Variants in ZNF428 observed in about 807,000 individuals in gnomAD.
ZNF428 encodes zinc finger protein 428, also known as enzyme-like protein PIT13.
In ZNF428, 5 loss-of-function variants were observed where a neutral mutation model predicts 15.6. The ratio of observed to expected loss-of-function variants is 0.32; its 90% CI spans 0.17 to 0.67. The LOEUF (loss-of-function observed/expected upper bound fraction) is 0.67. Ranked by LOEUF, ZNF428 falls within the 30% of genes least tolerant of loss-of-function variation. The pLI is 0.73. For missense variants in ZNF428, 237 were observed against 256.0 expected, an observed-to-expected ratio of 0.93 and a Z score of 0.51; for synonymous variants, 97 against 102.2, an observed-to-expected ratio of 0.95 and a Z score of 0.31.
intron 1 of ZNF428, among the ~76,000 whole-genome samples, chr19:43,618,526 G>C (rs1184701283): frequency 6.6e-6 from 1 of 151,136 alleles, no homozygotes; most frequent in Non-Finnish European, 1.5e-5. Flanking sequence ...AGAGCAGCTG[G>C]GACTACAGGT....
In ZNF428 at chr19:43,607,582, C is replaced by A. The variant is rs1300076940; in HGVS notation, c.*35G>T. The A allele has an allele frequency of 1.3e-6, 2 of 1,539,916 alleles. No homozygotes were observed. Among genetic ancestry groups the A allele is most frequent in the Non-Finnish European group, 1.8e-6 (2 of 1,140,568 alleles). Reference sequence around the variant, plus strand: ...TCCTCAGCCCCCTCCTCCCACCCCACCCCTTCTGCCAAGCTCCCCGTATGG... The same window carrying A: ...TCCTCAGCCCCCTCCTCCCACCCCAACCCTTCTGCCAAGCTCCCCGTATGG... On this transcript the variant is annotated 3_prime_UTR_variant, in exon 3 of 3. Coordinates refer to ENST00000300811, the MANE Select transcript of ZNF428 (RefSeq NM_182498.4). This position sits in a 1 kb window ranked among gnomAD's most constrained non-coding sequence, Gnocchi z 5.1.
intron 1 of ZNF428, among the ~76,000 whole-genome samples, chr19:43,616,318 G>C (rs1973371201): frequency 6.6e-6 from 1 of 152,152 alleles, no homozygotes; most frequent in South Asian, 2.1e-4. Context: ...ATCAGCCTTA[G>C]TTCTGTATCA....
Position 43,612,813 on chromosome 19 carries a change from G to A in ZNF428, c.76+1416C>T, listed in dbSNP as rs1182219316. On this transcript the variant is annotated intron_variant, in intron 2 of 2. Coordinates refer to ENST00000300811, the MANE Select transcript of ZNF428 (RefSeq NM_182498.4). The surrounding 1 kb of genome is among the most constrained non-coding windows in gnomAD (Gnocchi z 4.2). ...ACTGGAATTCCCTCCAAGGAGAAGAGTGACAACCCATCTCCATCCTCATCA... is the reference window on the plus strand; with the variant it reads ...ACTGGAATTCCCTCCAAGGAGAAGAATGACAACCCATCTCCATCCTCATCA... 1 of 1,551,560 alleles carries A rather than the reference G, an allele frequency of 6.4e-7. No homozygotes were observed. The highest frequency in any genetic ancestry group is 1.2e-5 in the South Asian group (1 of 84,056).
chr19:43,611,731 T>C (rs1973299391), intron 2 of ZNF428, among the ~76,000 whole-genome samples: 1 of 152,210 alleles, frequency 6.6e-6, no homozygotes, highest in South Asian at 2.1e-4. Context: ...GTCTCTCTCG[T>C]ATGGGCTCCC....
chr19:43,610,603 C>T (rs539181315), intron 2 of ZNF428, among the ~76,000 whole-genome samples: 73 of 151,906 alleles, frequency 4.8e-4, no homozygotes, highest in Non-Finnish European at 1.0e-3. Context: ...CTGCTGTGGC[C>T]CCAGCATCTA....
At position 43,607,415 on chromosome 19, in the gene ZNF428, A is replaced by C; in HGVS notation, c.*202T>G. On this transcript the variant is annotated 3_prime_UTR_variant, in exon 3 of 3. Transcript: ENST00000300811. The surrounding 1 kb of genome is among the most constrained non-coding windows in gnomAD (Gnocchi z 5.1). ...CACACAAACACACACACGGGCGGGA[A>C]TACACACACACACACACACACTCTG... 4.7e-5 allele frequency: 25 copies of C among 526,670 alleles called. No individual in the cohort carries two copies. The highest frequency in any genetic ancestry group is 2.8e-4 in the Middle Eastern group (1 of 3,566). 32.6% of individuals were successfully genotyped at this position (526,670 alleles called of 1,614,324 possible).
intron 1 of ZNF428, among the ~76,000 whole-genome samples, chr19:43,617,694 ATT>A (rs939704493): frequency 6.6e-5 from 10 of 152,256 alleles, no homozygotes; most frequent in African/African-American, 2.4e-4. Context: ...CATCCAATTA[ATT>A]TTTTTGTTTG....
Position 43,614,434 on chromosome 19 carries a change from G to T in ZNF428, c.-130C>A. The T allele has an allele frequency of 1.4e-6, 2 of 1,451,072 alleles. No individual in the cohort carries two copies. The highest frequency in any genetic ancestry group is 2.8e-5 in the Admixed American group (1 of 35,252). The allele number at this position is 1,451,072 out of a possible 1,614,324, so 89.9% of individuals were successfully genotyped here. ...AGGATGTTGGCAGGTAGAGAGGGATGCTGGATAGGGGGAAAGGAAAGACCT... is the reference window on the plus strand; with the variant it reads ...AGGATGTTGGCAGGTAGAGAGGGATTCTGGATAGGGGGAAAGGAAAGACCT... On this transcript the variant is annotated splice_region_variant and 5_prime_UTR_variant, in exon 2 of 3. Coordinates refer to ENST00000300811, the MANE Select transcript of ZNF428 (RefSeq NM_182498.4).
intron 2 of ZNF428, among the ~76,000 whole-genome samples, chr19:43,610,775 G>A (rs1973286922): frequency 6.6e-6 from 1 of 152,122 alleles, no homozygotes; most frequent in African/African-American, 2.4e-5. Context: ...AGGACCCAGT[G>A]GGAGGCCTTC....
chr19:43,611,556 G>C (rs924291025), intron 2 of ZNF428, among the ~76,000 whole-genome samples: 1 of 152,124 alleles, frequency 6.6e-6, no homozygotes, highest in Non-Finnish European at 1.5e-5. Context: ...CTGACCTCAG[G>C]TGATCTGCCT....
At chr19:43,608,976 T>A (rs1340946584) in intron 2 of ZNF428, among the ~76,000 whole-genome samples, 1 of 150,718 alleles carries the variant, frequency 6.6e-6, no homozygotes, top group Non-Finnish European at 1.5e-5. Context: ...ATTCTTTCGA[T>A]TGATTGCAAA....
chr19:43,609,798 A>G (rs774875535), intron 2 of ZNF428, among the ~76,000 whole-genome samples: 1 of 151,968 alleles, frequency 6.6e-6, no homozygotes, highest in African/African-American at 2.4e-5. Context: ...AAAGGGCGAC[A>G]TCAGCTGCCA....
At position 43,617,748 on chromosome 19, in the gene ZNF428, C is replaced by A. The variant is rs924118448; in HGVS notation, c.-131+1810G>T. On this transcript the variant is annotated intron_variant, in intron 1 of 2. Transcript: ENST00000300811. ...GCGGAGATGGTGTCTCACTATGTTG[C>A]GAAGGCTGCTGTCAAATTCCTGGCT... 2.0e-5 allele frequency among the ~76,000 whole-genome samples: 3 copies of A among 152,210 alleles called. No homozygotes were observed. In the South Asian group the frequency reaches 6.2e-4, roughly 31 times the overall value.
At chr19:43,610,441 C>T (rs1446358419) in intron 2 of ZNF428, among the ~76,000 whole-genome samples, 1 of 151,940 alleles carries the variant, frequency 6.6e-6, no homozygotes, top group East Asian at 1.9e-4. Flanking sequence ...CTCAAGTGAT[C>T]CACTCATCTC....
chr19:43,619,301 T>C (rs745956358), intron 1 of ZNF428, among the ~76,000 whole-genome samples: 4 of 151,934 alleles, frequency 2.6e-5, no homozygotes, highest in South Asian at 2.1e-4. Context: ...GACAAGGATC[T>C]GGGACACTCT....
chr19:43,613,711 G>A, intron 2 of ZNF428: 4 of 1,551,362 alleles, frequency 2.6e-6, no homozygotes, highest in Non-Finnish European at 3.5e-6. Context: ...CCAGCAAGGA[G>A]AGACAGCGCA....
At chr19:43,614,803 G>T (rs1398313879) in intron 1 of ZNF428, among the ~76,000 whole-genome samples, 1 of 152,146 alleles carries the variant, frequency 6.6e-6, no homozygotes, top group Non-Finnish European at 1.5e-5. Flanking sequence ...TCACCATGTT[G>T]GCCAGGCTGG....
rs758465774 is a variant in ZNF428 at position 43,614,213 on chromosome 19, T to G, written c.76+16A>C. The G allele has an allele frequency of 6.2e-7, 1 of 1,614,138 alleles. No individual in the cohort carries two copies. Among genetic ancestry groups the G allele is most frequent in the Non-Finnish European group, 8.5e-7 (1 of 1,180,014 alleles). ...TGACAGTCAAGCCGACGCCACCACCTCTAAGGCCACCTTACCTGGGGAAAG... is the reference window on the plus strand; with the variant it reads ...TGACAGTCAAGCCGACGCCACCACCGCTAAGGCCACCTTACCTGGGGAAAG... On this transcript the variant is annotated intron_variant, in intron 2 of 2. Coordinates refer to ENST00000300811, the MANE Select transcript of ZNF428 (RefSeq NM_182498.4).
intron 1 of ZNF428, among the ~76,000 whole-genome samples, chr19:43,615,933 CT>C (rs1223228140): frequency 6.6e-6 from 1 of 152,144 alleles, no homozygotes; most frequent in African/African-American, 2.4e-5. Flanking sequence ...TTTACGGAGG[CT>C]TTAAGACAGC....
Sources: gnomAD v4.1 joint callset for allele counts (sites outside exome capture counted in the v4.1 genomes callset) on GRCh38, gnomAD v4.1.1 for gene constraint, Gnocchi (gnomAD v3.1) non-coding constraint, MANE v1.5 for transcripts, NCBI Gene and HGNC (gene_info 2026-07-23, HGNC 2026-07-21) for gene names.